Variants in LMO7 observed in about 807,000 individuals in gnomAD.
LMO7 encodes the protein LIM domain 7.
Under a neutral mutation model 206.5 loss-of-function variants are expected in LMO7, and 120 were observed. That is an observed-to-expected ratio of 0.58 (90% CI 0.50 to 0.68). LMO7 has a LOEUF of 0.68. Among genes scored for constraint, LMO7 ranks in the 30% least tolerant of loss-of-function variants. The probability of loss-of-function intolerance (pLI) is 0.00; values close to 1 mark genes in which losing one functional copy is unlikely to be tolerated. For synonymous variants in LMO7, 706 were observed against 681.5 expected (o/e 1.04, Z -0.56); for missense variants, 1,959 against 1,957.9 (o/e 1.00, Z -0.01).
intron 4 of LMO7, among the ~76,000 whole-genome samples, chr13:75,781,791 A>T (rs1006948480): frequency 6.6e-5 from 10 of 152,122 alleles, no homozygotes; most frequent in Non-Finnish European, 1.2e-4. Flanking sequence ...CAGCACCTGT[A>T]GTTTCCTGAC....
At chr13:75,836,581 A>G in intron 19 of LMO7, 124 bp downstream of exon 19, 1 of 600,818 alleles carries the variant, frequency 1.7e-6, no homozygotes, top group South Asian at 2.2e-5. Context: ...GTTGAAACTA[A>G]AAGGTTAACA....
chr13:75,660,315 C>T (rs1047107770), intron 1 of LMO7, among the ~76,000 whole-genome samples: 2 of 152,180 alleles, frequency 1.3e-5, no homozygotes, highest in Admixed American at 6.5e-5. Flanking sequence ...ATTTATCTTA[C>T]TGTAGCTTAT....
chr13:75,850,275 A>G (rs1412325487), intron 27 of LMO7, among the ~76,000 whole-genome samples: 1 of 152,238 alleles, frequency 6.6e-6, no homozygotes, highest in Non-Finnish European at 1.5e-5. Context: ...TAAATTTAAT[A>G]TTGACAATTG....
At chr13:75,645,481 C>G (rs1175285351) in intron 1 of LMO7, among the ~76,000 whole-genome samples, 2 of 152,020 alleles carry the variant, frequency 1.3e-5, no homozygotes, top group African/African-American at 4.8e-5. Flanking sequence ...CCACTGCACT[C>G]TAGCCTGTAT....
At chr13:75,726,936 G>C (rs1398434671) in intron 2 of LMO7, 93 bp from the exon 3 acceptor site, 2 of 728,076 alleles carry the variant, frequency 2.7e-6, no homozygotes, top group Non-Finnish European at 5.0e-6. Context: ...ACATTGAGGG[G>C]AGGGAATAGT....
chr13:75,853,290 C>T lies in LMO7; in HGVS notation c.4563C>T (p.Ser1521=), dbSNP rs141698104. 79 of 1,613,938 alleles carry T rather than the reference C, an allele frequency of 4.9e-5. 1 individual carries two copies. Among genetic ancestry groups the T allele is most frequent in the South Asian group, 4.3e-4 (39 of 91,070 alleles). ...GCGTGCCCCCACCTTCAGCTGGCTC[C>T]GTGAAGACCTCCACCACAGGTGTGG... ...SSSVPPPSAG[S]VKTSTTGVAT... The change falls in exon 28 of 31, where the codon TCC becomes TCT. Residue 1521 remains serine, a synonymous_variant. Coordinates refer to ENST00000377534, the MANE Select transcript of LMO7 (RefSeq NM_001306080.2).
intron 1 of LMO7, among the ~76,000 whole-genome samples, chr13:75,662,301 C>A (rs1447917511): frequency 1.3e-5 from 2 of 152,164 alleles, no homozygotes; most frequent in African/African-American, 2.4e-5. Context: ...AATGTCATAT[C>A]TTTTATACCT....
chr13:75,680,600 C>A (rs1160887242), intron 1 of LMO7, among the ~76,000 whole-genome samples: 1 of 149,522 alleles, frequency 6.7e-6, no homozygotes, highest in Non-Finnish European at 1.5e-5. Context: ...ACTTTAAGTT[C>A]TGGGGTCCAT....
intron 1 of LMO7, among the ~76,000 whole-genome samples, chr13:75,693,877 C>CATTGTACCTAAAG (rs2041693120): frequency 6.6e-6 from 1 of 152,162 alleles, no homozygotes; most frequent in Non-Finnish European, 1.5e-5. Context: ...CTTGCTGTCT[C>CATTGTACCTAAAG]TCATTGTACC....
At chr13:75,671,831 A>G (rs1336340395) in intron 1 of LMO7, among the ~76,000 whole-genome samples, 1 of 152,104 alleles carries the variant, frequency 6.6e-6, no homozygotes, top group East Asian at 1.9e-4. Flanking sequence ...TTCCATAGCC[A>G]GCCTGTTGCC....
At chr13:75,710,115 G>A (rs1297562826) in intron 1 of LMO7, among the ~76,000 whole-genome samples, 1 of 152,094 alleles carries the variant, frequency 6.6e-6, no homozygotes, top group Non-Finnish European at 1.5e-5. Context: ...TTGTAGATAT[G>A]CGGCATTATT....
intron 3 of LMO7, among the ~76,000 whole-genome samples, chr13:75,753,279 T>C (rs915739761): frequency 2.6e-5 from 4 of 152,338 alleles, no homozygotes; most frequent in Non-Finnish European, 2.9e-5. Flanking sequence ...AGTTGGACTT[T>C]TGTTGTTCCT....
At chr13:75,626,577 TTA>T (rs1555281380) in intron 2 of LMO7, among the ~76,000 whole-genome samples, 2 of 74,484 alleles carry the variant, frequency 2.7e-5, no homozygotes, top group African/African-American at 4.4e-5. Context: ...AACATATATA[TTA>T]TATATATATA....
chr13:75,637,207 A>AG (rs1215216978), intron 1 of LMO7, among the ~76,000 whole-genome samples: 1 of 11,942 alleles, frequency 8.4e-5, no homozygotes, highest in Non-Finnish European at 1.7e-4. Context: ...GGTGGGTGGG[A>AG]GGGCAGGTGG....
Position 75,817,340 on chromosome 13 carries a change from T to G in LMO7, c.2064+62T>G, listed in dbSNP as rs1297311133. 6.8e-6 allele frequency: 7 copies of G among 1,034,968 alleles called. No individual in the cohort carries two copies. The Admixed American group carries it at 1.2e-4, about 18-fold the overall frequency. The allele number at this position is 1,034,968 out of a possible 1,614,324, so 64.1% of individuals were successfully genotyped here. On this transcript the variant is annotated intron_variant, in intron 12 of 30. Transcript: ENST00000377534. ...TTGTCTAACTTTTCTTTGCTTCTCT[T>G]AAAGTCAATATACTCAAGACCATTT...
rs1333149904 is a variant in LMO7 at position 75,841,969 on chromosome 13, A to G, written c.4017A>G (p.Ile1339Met). 1 of 1,611,012 alleles carries G rather than the reference A, an allele frequency of 6.2e-7. No individual in the cohort carries two copies. The highest frequency in any genetic ancestry group is 2.2e-5 in the East Asian group (1 of 44,880). ...TAGAGCGGGAAACATCAGTCAGAAT[A>G]TACCAGTACAGGAGGTATGTCCCCA... ...AEIERETSVR[I>M]YQYRRPVDSY... The change falls in exon 24 of 31, where the codon ATA (isoleucine) becomes ATG (methionine). Residue 1339 changes from isoleucine to methionine, a missense_variant. Physicochemically the swap from Ile to Met is conservative, Grantham distance 10. Coordinates refer to ENST00000377534, the MANE Select transcript of LMO7 (RefSeq NM_001306080.2).
chr13:75,669,745 G>A (rs1250686901), intron 1 of LMO7, among the ~76,000 whole-genome samples: 2 of 152,122 alleles, frequency 1.3e-5, no homozygotes, highest in South Asian at 4.1e-4. Flanking sequence ...GCTTTTGATT[G>A]CAAGAGGTTA....
At chr13:75,713,303 T>C in intron 2 of LMO7, 51 bp downstream of exon 2, 1 of 1,361,394 alleles carries the variant, frequency 7.3e-7, no homozygotes, top group Non-Finnish European at 1.0e-6. Context: ...GATATGTGTG[T>C]GTGTGAGTGA....
At chr13:75,673,591 T>TC (rs991769883) in intron 1 of LMO7, among the ~76,000 whole-genome samples, 42 of 152,148 alleles carry the variant, frequency 2.8e-4, no homozygotes, top group Admixed American at 1.7e-3. Context: ...CTGAGGACAT[T>TC]TTGGGACTGG....
Sources: gnomAD v4.1 joint callset for allele counts (sites outside exome capture counted in the v4.1 genomes callset) on GRCh38, gnomAD v4.1.1 for gene constraint, MANE v1.5 for transcripts, NCBI Gene and HGNC (gene_info 2026-07-23, HGNC 2026-07-21) for gene names.